Variants in KCNQ1 observed in about 807,000 individuals in gnomAD.
KCNQ1 encodes potassium voltage-gated channel subfamily Q member 1.
In KCNQ1, 49 loss-of-function variants were observed where a neutral mutation model predicts 72.4. That is an observed-to-expected ratio of 0.68 (90% CI 0.54 to 0.86). The LOEUF (loss-of-function observed/expected upper bound fraction) is 0.86. KCNQ1 is among the 40% of genes least tolerant of loss of function. The pLI is 0.00. For synonymous variants in KCNQ1, 450 were observed against 412.6 expected (o/e 1.09, Z -1.10); for missense variants, 790 against 945.1 (o/e 0.84, Z 2.15).
At chr11:2,470,713 G>GT (rs1193799327) in intron 1 of KCNQ1, among the ~76,000 whole-genome samples, 2 of 151,256 alleles carry the variant, frequency 1.3e-5, no homozygotes, top group Admixed American at 6.6e-5. Flanking sequence ...GTGGGGGGGG[G>GT]GGTGCTTAGA....
Position 2,776,057 on chromosome 11 carries a change from G to T in KCNQ1, c.1685+3G>T. ...CGCATCAAGGAGCTGCAGAGGAGGT[G>T]GGCACGGCCAAACGGCAGCGGGGAG... On this transcript the variant is annotated splice_donor_region_variant and intron_variant, in intron 13 of 15. Transcript: ENST00000155840. The T allele has an allele frequency of 2.6e-6, 4 of 1,553,852 alleles. No individual in the cohort carries two copies. Among genetic ancestry groups the T allele is most frequent in the Non-Finnish European group, 3.5e-6 (4 of 1,148,076 alleles).
chr11:2,562,208 C>T lies in KCNQ1; in HGVS notation c.478-8420C>T, dbSNP rs1242714042. On this transcript the variant is annotated intron_variant, in intron 2 of 15. Coordinates refer to ENST00000155840, the MANE Select transcript of KCNQ1 (RefSeq NM_000218.3). This position sits in a 1 kb window ranked among gnomAD's most constrained non-coding sequence, Gnocchi z 7.5. ...GGGCGGGGTGGGGACTGGTACTCCC[C>T]GGGGGGTGGGGGTGAGGGCGGGGGT... Among the ~76,000 whole-genome samples, 11 of 37,760 alleles carry T rather than the reference C, an allele frequency of 2.9e-4. No individual in the cohort carries two copies. The highest frequency in any genetic ancestry group is 4.9e-4 in the Non-Finnish European group (9 of 18,328). The allele number at this position is 37,760 out of a possible 152,430, so 24.8% of individuals were successfully genotyped here. A position where few individuals can be genotyped will look rare whatever the true frequency, so the allele number is the denominator to read the frequency against.
chr11:2,770,911 T>A (rs1435237065), intron 12 of KCNQ1, among the ~76,000 whole-genome samples: 2 of 152,198 alleles, frequency 1.3e-5, no homozygotes, highest in African/African-American at 2.4e-5. Context: ...GGGACTCAGA[T>A]CTGGGCAGGG....
intron 2 of KCNQ1, among the ~76,000 whole-genome samples, chr11:2,535,867 G>C (rs781019641): frequency 2.6e-5 from 4 of 152,228 alleles, no homozygotes; most frequent in Admixed American, 1.3e-4. Flanking sequence ...CTGCTCCCCG[G>C]AGGCAGCCAG....
rs904448864 is a variant in KCNQ1, at chr11:2,783,087, G to A, written c.1794+5050G>A. 6.6e-6 allele frequency among the ~76,000 whole-genome samples: 1 copy of A among 151,754 alleles called. No homozygotes were observed. The highest frequency in any genetic ancestry group is 6.6e-5 in the Admixed American group (1 of 15,240). On this transcript the variant is annotated intron_variant, in intron 15 of 15. Coordinates refer to ENST00000155840, the MANE Select transcript of KCNQ1 (RefSeq NM_000218.3). The surrounding 1 kb of genome is among the most constrained non-coding windows in gnomAD (Gnocchi z 5.2). Reference sequence around the variant, plus strand: ...ATCTCATGGCTTTCTAAATTTTTAAGGTATGCATTTAAGGTTATAAATTTT... The same window carrying A: ...ATCTCATGGCTTTCTAAATTTTTAAAGTATGCATTTAAGGTTATAAATTTT...
At chr11:2,675,725 C>A in intron 11 of KCNQ1, 1 of 398,700 alleles carries the variant, frequency 2.5e-6, no homozygotes, top group Non-Finnish European at 4.4e-6. Context: ...CTGGAGCAGC[C>A]CCTGCTCCAC....
intron 6 of KCNQ1, among the ~76,000 whole-genome samples, chr11:2,581,248 A>G (rs1336902352): frequency 6.6e-6 from 1 of 152,182 alleles, no homozygotes; most frequent in Non-Finnish European, 1.5e-5. Context: ...GACTTGGTAA[A>G]CAGTGGATGT....
chr11:2,528,073 T>C (rs1847543043), intron 2 of KCNQ1, 55 bp downstream of exon 2: 1 of 1,454,364 alleles, frequency 6.9e-7, no homozygotes, highest in African/African-American at 1.4e-5. Flanking sequence ...GAAGCTGGCA[T>C]CTCCCTGGCG....
chr11:2,529,922 G>T (rs994370423), intron 2 of KCNQ1, among the ~76,000 whole-genome samples: 7 of 152,182 alleles, frequency 4.6e-5, no homozygotes, highest in African/African-American at 1.7e-4. Context: ...TGACCATGTG[G>T]ATTCTGGTCA....
At position 2,547,617 on chromosome 11, in the gene KCNQ1, G is replaced by A. The variant is rs1847917537; in HGVS notation, c.477+19599G>A. 6.6e-6 allele frequency among the ~76,000 whole-genome samples: 1 copy of A among 152,114 alleles called. No homozygotes were observed. The highest frequency in any genetic ancestry group is 1.5e-5 in the Non-Finnish European group (1 of 68,024). ...CTGGTTTCTCATTTAACCCTTTACTGTCTGGCTTACCGTTTTTATTAATCT... is the reference window on the plus strand; with the variant it reads ...CTGGTTTCTCATTTAACCCTTTACTATCTGGCTTACCGTTTTTATTAATCT... On this transcript the variant is annotated intron_variant, in intron 2 of 15. Transcript: ENST00000155840. This position sits in a 1 kb window ranked among gnomAD's most constrained non-coding sequence, Gnocchi z 4.2.
intron 15 of KCNQ1, among the ~76,000 whole-genome samples, chr11:2,811,015 C>T (rs1157150978): frequency 6.6e-6 from 1 of 152,210 alleles, no homozygotes; most frequent in Non-Finnish European, 1.5e-5. Context: ...GCATGGCATT[C>T]AGAGCAGCAG....
Position 2,762,809 on chromosome 11 carries a change from C to A in KCNQ1, c.1515-6035C>A, listed in dbSNP as rs1043853565. On this transcript the variant is annotated intron_variant, in intron 11 of 15. Transcript: ENST00000155840. This position sits in a 1 kb window ranked among gnomAD's most constrained non-coding sequence, Gnocchi z 4.3. The stretch of plus-strand genomic sequence containing the variant: ...TCATCCTGAAACCATCTCCCCCCAC[C>A]CCACCCCGTCCACGGAAAAAGTGTC... 6.6e-6 allele frequency among the ~76,000 whole-genome samples: 1 copy of A among 152,150 alleles called. No homozygotes were observed. Among genetic ancestry groups the A allele is most frequent in the Non-Finnish European group, 1.5e-5 (1 of 68,034 alleles).
chr11:2,591,704 G>T (rs980855723), intron 10 of KCNQ1, among the ~76,000 whole-genome samples: 1 of 152,254 alleles, frequency 6.6e-6, no homozygotes, highest in Non-Finnish European at 1.5e-5. Context: ...TCTGCGGAAT[G>T]TTAATGAGGG....
At position 2,654,655 on chromosome 11, in the gene KCNQ1, G is replaced by C. The variant is rs1849811287; in HGVS notation, c.1394-7306G>C. The C allele has an allele frequency of 2.5e-6, 1 of 398,834 alleles. No individual in the cohort carries two copies. Among genetic ancestry groups the C allele is most frequent in the African/African-American group, 2.1e-5 (1 of 48,644 alleles). The allele number at this position is 398,834 out of a possible 1,614,324, so 24.7% of individuals were successfully genotyped here. A position where few individuals can be genotyped will look rare whatever the true frequency, so the allele number is the denominator to read the frequency against. On this transcript the variant is annotated intron_variant, in intron 10 of 15. Transcript: ENST00000155840. This position sits in a 1 kb window ranked among gnomAD's most constrained non-coding sequence, Gnocchi z 6.4. ...CACTGGCGAGAGTCTCTTGAGGGCAGAGGGCAGCAGAGATGGGCTGGAGCT... is the reference window on the plus strand; with the variant it reads ...CACTGGCGAGAGTCTCTTGAGGGCACAGGGCAGCAGAGATGGGCTGGAGCT...
chr11:2,628,864 AAG>A (rs1849305409), intron 10 of KCNQ1: 1 of 398,306 alleles, frequency 2.5e-6, no homozygotes, highest in Non-Finnish European at 4.4e-6. Context: ...CCATTTATTC[AAG>A]AGAGTACCCT....
At chr11:2,605,436 A>C (rs1212040010) in intron 10 of KCNQ1, among the ~76,000 whole-genome samples, 1 of 152,278 alleles carries the variant, frequency 6.6e-6, no homozygotes, top group East Asian at 1.9e-4. Context: ...TTACGTATTT[A>C]TGTCTTTGAT....
At position 2,643,941 on chromosome 11, in the gene KCNQ1, C is replaced by T. The variant is rs528659282; in HGVS notation, c.1394-18020C>T. ...TGCGTATATAATCCCATCCTCCTGG[C>T]CTGTAAAGTTTCTGCTGAAAAATCT... is the stretch of plus-strand genomic sequence containing the variant. On this transcript the variant is annotated intron_variant, in intron 10 of 15. Transcript: ENST00000155840. 923 of 398,532 alleles carry T rather than the reference C, an allele frequency of 2.3e-3. 4 individuals are homozygous for T. Among genetic ancestry groups the T allele is most frequent in the Non-Finnish European group, 3.6e-3 (817 of 226,032 alleles). 24.7% of individuals were successfully genotyped at this position (398,532 alleles called of 1,614,324 possible). A position where few individuals can be genotyped will look rare whatever the true frequency, so the allele number is the denominator to read the frequency against.
rs1215308169 is a variant in KCNQ1, at chr11:2,817,387, T to A, written c.1795-30380T>A. ...CACCCCAGGAGGAGAATCACACCAG[T>A]GCCCCCTGACCCCCAGCCTTGTGCA... On this transcript the variant is annotated intron_variant, in intron 15 of 15. Coordinates refer to ENST00000155840, the MANE Select transcript of KCNQ1 (RefSeq NM_000218.3). The surrounding 1 kb of genome is among the most constrained non-coding windows in gnomAD (Gnocchi z 6.1). Among the ~76,000 whole-genome samples, 1 of 152,026 alleles carries A rather than the reference T, an allele frequency of 6.6e-6. No homozygotes were observed. The highest frequency in any genetic ancestry group is 6.5e-5 in the Admixed American group (1 of 15,272).
rs372023017 is a variant in KCNQ1, at chr11:2,736,868, C to G, written c.1515-31976C>G. ...GATAAGATGCCCACGGCTCAGGGAC[C>G]CCACAGTCACAGGTGGGGAGTGGCG... On this transcript the variant is annotated intron_variant, in intron 11 of 15. Coordinates refer to ENST00000155840, the MANE Select transcript of KCNQ1 (RefSeq NM_000218.3). 2.8e-3 allele frequency among the ~76,000 whole-genome samples: 421 copies of G among 152,316 alleles called. 1 individual carries two copies. Among genetic ancestry groups the G allele is most frequent in the African/African-American group, 9.4e-3 (391 of 41,562 alleles).
Sources: allele counts gnomAD v4.1 joint callset (sites outside exome capture counted in the v4.1 genomes callset), GRCh38; gene constraint gnomAD v4.1.1; non-coding constraint Gnocchi (gnomAD v3.1); transcripts MANE v1.5; gene names NCBI Gene and HGNC (gene_info 2026-07-23, HGNC 2026-07-21).